The following PGBD5 variants were observed in gnomAD, a reference collection of about 807,000 sequenced individuals.
PGBD5 encodes piggyBac transposable element derived 5, also known as piggyBac transposable element-derived protein 5.
A neutral mutation model predicts 47.9 loss-of-function variants in PGBD5; 14 were observed. The ratio of observed to expected loss-of-function variants is 0.29; its 90% CI spans 0.19 to 0.46. PGBD5 has a LOEUF of 0.46. PGBD5 is among the 20% of genes least tolerant of loss of function. The probability of loss-of-function intolerance (pLI) is 1.00; values close to 1 mark genes in which losing one functional copy is unlikely to be tolerated. For missense variants in PGBD5, 635 were observed against 716.0 expected, an observed-to-expected ratio of 0.89 and a Z score of 1.29; for synonymous variants, 316 against 306.3, an observed-to-expected ratio of 1.03 and a Z score of -0.33.
At chr1:230,367,933 GGT>G (rs771910470) in intron 1 of PGBD5, 50 of 1,362,282 alleles carry the variant, frequency 3.7e-5, no homozygotes, top group Non-Finnish European at 4.8e-5. Context: ...ACTTGCTCAA[GGT>G]CACGCAAGCT....
intron 5 of PGBD5, among the ~76,000 whole-genome samples, chr1:230,331,510 A>G (rs755267679): frequency 2.8e-4 from 43 of 152,158 alleles, no homozygotes; most frequent in Non-Finnish European, 2.4e-4. Flanking sequence ...TCCTGCACCA[A>G]GACCCTCATC....
intron 3 of PGBD5, among the ~76,000 whole-genome samples, chr1:230,347,411 C>T (rs1031034187): frequency 1.3e-5 from 2 of 151,742 alleles, no homozygotes; most frequent in African/African-American, 4.8e-5. Flanking sequence ...TGCTAAAGCC[C>T]AAAGGCCTTC....
intron 1 of PGBD5, chr1:230,368,277 G>A: frequency 8.4e-7 from 1 of 1,190,596 alleles, no homozygotes; most frequent in Non-Finnish European, 1.1e-6. Context: ...AATGTGTGTT[G>A]CTGAGGCCAA....
rs879617025 is a variant in PGBD5, at chr1:230,316,165, TATAC to T, written c.*7256_*7259del. 0.042 allele frequency: 5,909 copies of T among 139,606 alleles called. 358 individuals are homozygous for T. Among genetic ancestry groups the T allele is most frequent in the African/African-American group, 0.097 (3,632 of 37,618 alleles). The allele number at this position is 139,606 out of a possible 1,614,324, so 8.6% of individuals were successfully genotyped here. On this transcript the variant is annotated 3_prime_UTR_variant, in exon 7 of 7. Transcript: ENST00000391860. ...ATATGTGTACACATATATGTATGTG[TATAC>T]ATACATACGTACACATGTGCATGTG...
At chr1:230,325,490 C>T (rs1205993314) in intron 5 of PGBD5, 75 bp from the exon 6 acceptor site, 19 of 1,057,722 alleles carry the variant, frequency 1.8e-5, no homozygotes, top group South Asian at 8.4e-5. Context: ...TGCCTATCTT[C>T]GTCCAGCTTA....
Position 230,314,581 on chromosome 1 carries a change from C to CTTTT in PGBD5, c.*8840_*8843dup, listed in dbSNP as rs3045440. 1.1e-5 allele frequency: 1 copy of CTTTT among 88,380 alleles called. No individual in the cohort carries two copies. The highest frequency in any genetic ancestry group is 4.1e-5 in the African/African-American group (1 of 24,670). The allele number at this position is 88,380 out of a possible 1,614,324, so 5.5% of individuals were successfully genotyped here. ...ACATGACAAAATGCTTGAATTAAAT[C>CTTTT]TTTTTTTTTTTTTTTTTTTTTTTTG... On this transcript the variant is annotated 3_prime_UTR_variant, in exon 7 of 7. Coordinates refer to ENST00000391860, the MANE Select transcript of PGBD5 (RefSeq NM_001258311.2).
At chr1:230,353,894 G>A (rs530342321) in intron 2 of PGBD5, among the ~76,000 whole-genome samples, 1 of 152,344 alleles carries the variant, frequency 6.6e-6, no homozygotes, top group South Asian at 2.1e-4. Flanking sequence ...AGCATCAGGA[G>A]AAGAACTCTC....
At chr1:230,342,155 A>G (rs1168558562) in intron 3 of PGBD5, among the ~76,000 whole-genome samples, 1 of 152,106 alleles carries the variant, frequency 6.6e-6, no homozygotes, top group African/African-American at 2.4e-5. Flanking sequence ...TTCTCAAAAG[A>G]ACAGTAAGGC....
chr1:230,318,356 A>G lies in PGBD5; in HGVS notation c.*5069T>C, dbSNP rs1375878783. ...GGATTAAGTGATGGAGTCAAAAGTGAGAAGCCTCAGTCATGTTCCTGATAA... is the reference window on the plus strand; with the variant it reads ...GGATTAAGTGATGGAGTCAAAAGTGGGAAGCCTCAGTCATGTTCCTGATAA... On this transcript the variant is annotated 3_prime_UTR_variant, in exon 7 of 7. Coordinates refer to ENST00000391860, the MANE Select transcript of PGBD5 (RefSeq NM_001258311.2). The G allele has an allele frequency of 6.6e-6, 1 of 152,278 alleles. No homozygotes were observed. The highest frequency in any genetic ancestry group is 1.5e-5 in the Non-Finnish European group (1 of 68,072). 9.4% of individuals were successfully genotyped at this position (152,278 alleles called of 1,614,324 possible). A position where few individuals can be genotyped will look rare whatever the true frequency, so the allele number is the denominator to read the frequency against.
At chr1:230,406,232 C>T (rs1224701186) in intron 1 of PGBD5, among the ~76,000 whole-genome samples, 1 of 145,874 alleles carries the variant, frequency 6.9e-6, no homozygotes, top group Non-Finnish European at 1.5e-5. Context: ...GGCGTGAACC[C>T]AGGAGGCAGA....
At chr1:230,344,430 C>A (rs1667448874) in intron 3 of PGBD5, among the ~76,000 whole-genome samples, 1 of 152,254 alleles carries the variant, frequency 6.6e-6, no homozygotes, top group South Asian at 2.1e-4. Context: ...GGTGACATTA[C>A]TTGCCTCTTA....
At chr1:230,390,465 A>G (rs921092396) in intron 1 of PGBD5, among the ~76,000 whole-genome samples, 67 of 152,072 alleles carry the variant, frequency 4.4e-4, no homozygotes, top group African/African-American at 1.6e-3. Context: ...AGCAAACCAA[A>G]TCAGCCTACA....
At position 230,363,111 on chromosome 1, in the gene PGBD5, C is replaced by T. The variant is rs112895817; in HGVS notation, c.332-5790G>A. Among the ~76,000 whole-genome samples, 1,151 of 152,302 alleles carry T rather than the reference C, an allele frequency of 7.6e-3. 12 individuals carry two copies. Among genetic ancestry groups the T allele is most frequent in the African/African-American group, 0.027 (1,105 of 41,574 alleles). The stretch of plus-strand genomic sequence containing the variant: ...TTTATTGATCAAGTGGGAACCACCA[C>T]CCCACAGCGGGTAAGAAGATCACAT... On this transcript the variant is annotated intron_variant, in intron 1 of 6. Transcript: ENST00000391860.
chr1:230,323,447 T>TCCA lies in PGBD5; in HGVS notation c.1550_1552dup (p.Leu517_Glu518insVal). On this transcript the variant is annotated inframe_insertion, in exon 7 of 7. Coordinates refer to ENST00000391860, the MANE Select transcript of PGBD5 (RefSeq NM_001258311.2). This position sits in a 1 kb window ranked among gnomAD's most constrained non-coding sequence, Gnocchi z 4.1. ...GCATCAGTGGGTCGGAGAGGCATCC[T>TCCA]CCAAGCCCAGCAGCTCTCTGACGAG... The TCCA allele has an allele frequency of 6.2e-7, 1 of 1,613,950 alleles. No individual in the cohort carries two copies. Among genetic ancestry groups the TCCA allele is most frequent in the Non-Finnish European group, 8.5e-7 (1 of 1,179,930 alleles).
intron 1 of PGBD5, among the ~76,000 whole-genome samples, chr1:230,415,992 T>C (rs1657503616): frequency 6.6e-6 from 1 of 152,208 alleles, no homozygotes; most frequent in Admixed American, 6.5e-5. Flanking sequence ...TTGTGAGGAT[T>C]ACATAAGTTA....
intron 1 of PGBD5, among the ~76,000 whole-genome samples, chr1:230,366,756 G>A (rs961530770): frequency 6.6e-6 from 1 of 152,118 alleles, no homozygotes; most frequent in African/African-American, 2.4e-5. Flanking sequence ...CTGATTTCTA[G>A]TAATGCCCCA....
At chr1:230,370,785 G>A (rs1366900345) in intron 1 of PGBD5, among the ~76,000 whole-genome samples, 2 of 152,176 alleles carry the variant, frequency 1.3e-5, no homozygotes, top group Admixed American at 6.5e-5. Context: ...CAACGCACAT[G>A]GCTAAGAGCT....
rs143691966 is a variant in PGBD5 at position 230,387,813 on chromosome 1, C to A, written c.332-30492G>T. Among the ~76,000 whole-genome samples the A allele has an allele frequency of 2.6e-3, 402 of 152,274 alleles. 1 individual carries two copies. The highest frequency in any genetic ancestry group is 9.1e-3 in the African/African-American group (377 of 41,560). On this transcript the variant is annotated intron_variant, in intron 1 of 6. Transcript: ENST00000391860. ...CCACACGCTCCTAGGCTCGGGCCTG[C>A]AATTGCATTCCAAAAGGTAAGGAGG...
At chr1:230,392,167 A>G (rs1204967513) in intron 1 of PGBD5, among the ~76,000 whole-genome samples, 1 of 152,208 alleles carries the variant, frequency 6.6e-6, no homozygotes, top group Admixed American at 6.5e-5. Flanking sequence ...AGCTGCCACC[A>G]GCTTCAGATA....
Sources: allele counts gnomAD v4.1 joint callset (sites outside exome capture counted in the v4.1 genomes callset), GRCh38; gene constraint gnomAD v4.1.1; non-coding constraint Gnocchi (gnomAD v3.1); transcripts MANE v1.5; gene names NCBI Gene and HGNC (gene_info 2026-07-23, HGNC 2026-07-21).